The following PTCHD4 variants were observed in gnomAD, a reference collection of about 807,000 sequenced individuals.
PTCHD4 encodes patched domain-containing protein 4.
A neutral mutation model predicts 58.1 loss-of-function variants in PTCHD4; 33 were observed. The ratio of observed to expected loss-of-function variants is 0.57; its 90% CI spans 0.43 to 0.76. The LOEUF (loss-of-function observed/expected upper bound fraction) is 0.76. Ranked by LOEUF, PTCHD4 falls within the 30% of genes least tolerant of loss-of-function variation. PTCHD4 has a pLI of 0.00. For missense variants in PTCHD4, 1,058 were observed against 1,027.1 expected (o/e 1.03, Z -0.41); for synonymous variants, 478 against 409.6 (o/e 1.17, Z -2.02).
chr6:47,998,848 A>C (rs775240274), intron 4 of PTCHD4, among the ~76,000 whole-genome samples: 9 of 152,194 alleles, frequency 5.9e-5, no homozygotes, highest in Non-Finnish European at 1.2e-4. Context: ...AGAAGAACAG[A>C]GAAGGAAATA....
rs533425837 is a variant in PTCHD4, at chr6:48,032,356, A to C, written c.418-23242T>G. The stretch of plus-strand genomic sequence containing the variant: ...AAGAGTAGCTTGATTATTCAAGGCC[A>C]CATGAGTCAGCAGTATACTGTAAGG... On this transcript the variant is annotated intron_variant, in intron 3 of 4. Coordinates refer to ENST00000339488, the MANE Select transcript of PTCHD4 (RefSeq NM_001384253.1). Among the ~76,000 whole-genome samples, 36 of 152,236 alleles carry C rather than the reference A, an allele frequency of 2.4e-4. No individual in the cohort carries two copies. The South Asian group carries it at 7.0e-3, about 30-fold the overall frequency.
At chr6:48,100,787 T>C (rs896189515) in intron 1 of PTCHD4, among the ~76,000 whole-genome samples, 1 of 152,214 alleles carries the variant, frequency 6.6e-6, no homozygotes, top group African/African-American at 2.4e-5. Flanking sequence ...CATAAACACA[T>C]ATACATTTTT....
intron 4 of PTCHD4, among the ~76,000 whole-genome samples, chr6:47,980,239 A>G (rs553404354): frequency 5.3e-5 from 8 of 152,080 alleles, no homozygotes; most frequent in African/African-American, 1.9e-4. Flanking sequence ...CTTATATAAC[A>G]AGGGTAAATT....
rs1290393809 is a variant in PTCHD4 at position 47,867,687 on chromosome 6, G to A, written c.*10616C>T. ...ATTTCACTTTTTCTCCCTGACTGTT[G>A]AGCCCATCCTCCATCTCTATCTATT... On this transcript the variant is annotated 3_prime_UTR_variant, in exon 5 of 5. Transcript: ENST00000339488. Among the ~76,000 whole-genome samples, 3 of 151,450 alleles carry A rather than the reference G, an allele frequency of 2.0e-5. No homozygotes were observed. The highest frequency in any genetic ancestry group is 4.4e-5 in the Non-Finnish European group (3 of 67,762).
intron 4 of PTCHD4, among the ~76,000 whole-genome samples, chr6:47,907,713 ACAT>A (rs1764940178): frequency 6.6e-6 from 1 of 152,174 alleles, no homozygotes; most frequent in South Asian, 2.1e-4. Flanking sequence ...TTCCAGCAAA[ACAT>A]CATGAAAAAA....
rs57323341 is a variant in PTCHD4, at chr6:47,864,315, T to TACACACACACACACACAC, written c.*13987_*13988insGTGTGTGTGTGTGTGTGT. 6.7e-6 allele frequency among the ~76,000 whole-genome samples: 1 copy of TACACACACACACACACAC among 148,784 alleles called. No homozygotes were observed. The highest frequency in any genetic ancestry group is 2.5e-5 in the African/African-American group (1 of 40,620). ...GCCCATTATTTTTGAGATATATATA[T>TACACACACACACACACAC]ACACACACACACACATATATATATA... is the stretch of plus-strand genomic sequence containing the variant. On this transcript the variant is annotated 3_prime_UTR_variant, in exon 5 of 5. Transcript: ENST00000339488.
Position 48,069,140 on chromosome 6 carries a change from A to AGG in PTCHD4, c.-185_-184dup, listed in dbSNP as rs56295592. Among the ~76,000 whole-genome samples the AGG allele has an allele frequency of 1.3e-3, 63 of 47,324 alleles. No individual in the cohort carries two copies. The highest frequency in any genetic ancestry group is 1.5e-3 in the Non-Finnish European group (38 of 25,508). The allele number at this position is 47,324 out of a possible 152,430, so 31.0% of individuals were successfully genotyped here. On this transcript the variant is annotated 5_prime_UTR_variant, in exon 2 of 5. It removes the in-frame stop codon of an upstream open reading frame in the 5' UTR. Transcript: ENST00000339488. Reference sequence around the variant, plus strand: ...TAAGAAGCAGACATGTGCCCCATAAAGGGGGGGGGGGCTGAGGGGGGGAGA... The same window carrying AGG: ...TAAGAAGCAGACATGTGCCCCATAAAGGGGGGGGGGGGGCTGAGGGGGGGAGA...
intron 4 of PTCHD4, among the ~76,000 whole-genome samples, chr6:47,935,871 A>G (rs1355743314): frequency 6.6e-6 from 1 of 152,198 alleles, no homozygotes; most frequent in Non-Finnish European, 1.5e-5. Flanking sequence ...AATAAAACTA[A>G]TGAGGCAGAT....
intron 1 of PTCHD4, among the ~76,000 whole-genome samples, chr6:48,095,731 C>T (rs1357034903): frequency 9.7e-6 from 1 of 103,246 alleles, no homozygotes; most frequent in African/African-American, 3.9e-5. Context: ...ACAAAAGGAA[C>T]CAAAAAAAAA....
chr6:47,947,587 A>T (rs1191079331), intron 4 of PTCHD4, among the ~76,000 whole-genome samples: 1 of 152,096 alleles, frequency 6.6e-6, no homozygotes, highest in Non-Finnish European at 1.5e-5. Flanking sequence ...TGACAGTGTT[A>T]TATACTTCAG....
chr6:47,928,426 C>A (rs1420249906), intron 4 of PTCHD4, among the ~76,000 whole-genome samples: 1 of 152,056 alleles, frequency 6.6e-6, no homozygotes, highest in Non-Finnish European at 1.5e-5. Context: ...GATGAGATTC[C>A]AAAAAAGTCT....
Position 48,006,676 on chromosome 6 carries a change from T to C in PTCHD4, c.898+1958A>G, listed in dbSNP as rs573507436. ...ATAAGTTCTTTGGGAAAAAGAAAGATACTATTTACTAACAATATTAATATG... is the reference window on the plus strand; with the variant it reads ...ATAAGTTCTTTGGGAAAAAGAAAGACACTATTTACTAACAATATTAATATG... On this transcript the variant is annotated intron_variant, in intron 4 of 4. Coordinates refer to ENST00000339488, the MANE Select transcript of PTCHD4 (RefSeq NM_001384253.1). Among the ~76,000 whole-genome samples the C allele has an allele frequency of 2.6e-5, 4 of 152,334 alleles. No individual in the cohort carries two copies. In the South Asian group the frequency reaches 8.3e-4, roughly 32 times the overall value.
At chr6:47,886,329 G>A (rs1764194593) in intron 4 of PTCHD4, among the ~76,000 whole-genome samples, 1 of 152,000 alleles carries the variant, frequency 6.6e-6, no homozygotes, top group African/African-American at 2.4e-5. Context: ...GCTTTAATAA[G>A]CATGATCTGT....
intron 4 of PTCHD4, among the ~76,000 whole-genome samples, chr6:47,938,868 A>G (rs965697374): frequency 3.9e-5 from 6 of 152,194 alleles, no homozygotes; most frequent in African/African-American, 7.2e-5. Flanking sequence ...TTTAAGCTAC[A>G]TAAGGATAAA....
At chr6:48,082,395 T>G (rs1765183941) in intron 1 of PTCHD4, among the ~76,000 whole-genome samples, 1 of 152,206 alleles carries the variant, frequency 6.6e-6, no homozygotes, top group Admixed American at 6.5e-5. Context: ...CCTCAGTCAT[T>G]TCTGATCTGT....
At chr6:48,010,026 T>A (rs578021423) in intron 3 of PTCHD4, among the ~76,000 whole-genome samples, 1 of 152,134 alleles carries the variant, frequency 6.6e-6, no homozygotes, top group African/African-American at 2.4e-5. Flanking sequence ...TGCCCCAACA[T>A]GAAGAAAGAA....
In PTCHD4 at chr6:47,967,712, G is replaced by A. The variant is rs150838140; in HGVS notation, c.898+40922C>T. On this transcript the variant is annotated intron_variant, in intron 4 of 4. Coordinates refer to ENST00000339488, the MANE Select transcript of PTCHD4 (RefSeq NM_001384253.1). ...GTACCAGCACTTATTGCTTCATCTT[G>A]CACTTTTATGTTATGGAAACATCTT... Among the ~76,000 whole-genome samples the A allele has an allele frequency of 4.7e-4, 71 of 152,280 alleles. No homozygotes were observed. The East Asian group carries it at 0.013, about 29-fold the overall frequency.
At chr6:48,032,411 T>C (rs1290417521) in intron 3 of PTCHD4, among the ~76,000 whole-genome samples, 5 of 152,052 alleles carry the variant, frequency 3.3e-5, no homozygotes, top group Non-Finnish European at 7.4e-5. Flanking sequence ...TCTCTCCCTC[T>C]CTCTGTGTAT....
At chr6:47,903,186 G>C (rs1764767300) in intron 4 of PTCHD4, among the ~76,000 whole-genome samples, 1 of 152,096 alleles carries the variant, frequency 6.6e-6, no homozygotes, top group South Asian at 2.1e-4. Context: ...TTTTCAGCTT[G>C]ACTAGTTTCT....
Sources: gnomAD v4.1 joint callset for allele counts (sites outside exome capture counted in the v4.1 genomes callset) on GRCh38, gnomAD v4.1.1 for gene constraint, MANE v1.5 for transcripts, NCBI Gene and HGNC (gene_info 2026-07-23, HGNC 2026-07-21) for gene names.